FOXN3: variants seen among roughly 807,000 people sequenced by gnomAD.
The protein encoded by FOXN3 is forkhead box protein N3.
FOXN3 carries 7 observed loss-of-function variants against 38.4 expected under a neutral mutation model. The observed-to-expected ratio is 0.18, with a 90% CI of 0.10 to 0.34. The LOEUF is 0.34. FOXN3 is among the 10% of genes least tolerant of loss of function. The pLI, the probability that FOXN3 is intolerant of heterozygous loss-of-function variation, is 1.00. For synonymous variants in FOXN3, 230 were observed against 242.2 expected (o/e 0.95, Z 0.47); for missense variants, 456 against 613.4 (o/e 0.74, Z 2.71).
At chr14:89,380,620 C>T (rs10484023) in intron 2 of FOXN3, among the ~76,000 whole-genome samples, 17,873 of 152,216 alleles carry the variant, frequency 0.12, 1,396 homozygotes, top group East Asian at 0.34. Flanking sequence ...CCTTATAAGT[C>T]GTATCAGCAA....
chr14:89,455,220 G>C (rs1237405979), intron 1 of FOXN3, among the ~76,000 whole-genome samples: 1 of 152,224 alleles, frequency 6.6e-6, no homozygotes, highest in Non-Finnish European at 1.5e-5. Context: ...TATGCCATCG[G>C]CATTTGTGGA....
chr14:89,549,130 A>AG (rs1440666992), intron 1 of FOXN3, among the ~76,000 whole-genome samples: 2 of 151,838 alleles, frequency 1.3e-5, no homozygotes, highest in Non-Finnish European at 2.9e-5. Flanking sequence ...AAAAAAAAAA[A>AG]AGAATTTTAT....
intron 1 of FOXN3, among the ~76,000 whole-genome samples, chr14:89,557,282 G>A (rs966016976): frequency 6.6e-6 from 1 of 152,166 alleles, no homozygotes; most frequent in African/African-American, 2.4e-5. Flanking sequence ...AGAAAGATAA[G>A]AAAAAGTCTT....
At chr14:89,168,644 C>T (rs910539446) in intron 5 of FOXN3, among the ~76,000 whole-genome samples, 5 of 152,104 alleles carry the variant, frequency 3.3e-5, no homozygotes, top group Admixed American at 6.6e-5. Flanking sequence ...GAAGAACCAA[C>T]GGAAACCTAA....
chr14:89,398,878 G>C (rs897412382), intron 2 of FOXN3, among the ~76,000 whole-genome samples: 4 of 152,196 alleles, frequency 2.6e-5, no homozygotes, highest in Non-Finnish European at 5.9e-5. Flanking sequence ...CCAGCTACTC[G>C]GGAGGCTAAG....
At chr14:89,501,659 C>T (rs1409971719) in intron 1 of FOXN3, among the ~76,000 whole-genome samples, 2 of 152,150 alleles carry the variant, frequency 1.3e-5, no homozygotes, top group Admixed American at 6.6e-5. Context: ...CTGCATAAAG[C>T]TCAGGGGTTC....
intron 1 of FOXN3, among the ~76,000 whole-genome samples, chr14:89,588,638 T>C (rs1414363144): frequency 1.3e-5 from 2 of 152,168 alleles, no homozygotes; most frequent in East Asian, 3.9e-4. Context: ...AACCAAATAC[T>C]GGAAAGGTGT....
chr14:89,534,056 C>G (rs371655608), intron 1 of FOXN3, among the ~76,000 whole-genome samples: 10 of 151,832 alleles, frequency 6.6e-5, no homozygotes, highest in African/African-American at 7.3e-5. Context: ...GTGCTTCCCC[C>G]CCGCCACCCA....
At chr14:89,252,845 T>C (rs187108257) in intron 4 of FOXN3, among the ~76,000 whole-genome samples, 30 of 152,164 alleles carry the variant, frequency 2.0e-4, no homozygotes, top group Middle Eastern at 3.4e-3. Flanking sequence ...CAGTGTGAAA[T>C]AGGATATAAA....
chr14:89,398,555 G>A (rs772906569), intron 2 of FOXN3, among the ~76,000 whole-genome samples: 1 of 152,168 alleles, frequency 6.6e-6, no homozygotes, highest in Non-Finnish European at 1.5e-5. Flanking sequence ...CCATGGAGAT[G>A]ACAAGAAAAC....
At chr14:89,287,581 T>C (rs920454576) in intron 3 of FOXN3, among the ~76,000 whole-genome samples, 2 of 150,904 alleles carry the variant, frequency 1.3e-5, no homozygotes, top group African/African-American at 2.4e-5. Context: ...CTCTCCCAAC[T>C]TGGCCCGTTT....
In FOXN3 at chr14:89,478,305, A is replaced by G. The variant is rs201736709; in HGVS notation, c.-14-65815T>C. 1.1e-4 allele frequency among the ~76,000 whole-genome samples: 16 copies of G among 152,306 alleles called. No homozygotes were observed. The East Asian group carries it at 3.1e-3, about 29-fold the overall frequency. On this transcript the variant is annotated intron_variant, in intron 1 of 6. Transcript: ENST00000345097. ...TGCTTCCTGTACAGCCTGCAGAACC[A>G]TGAACCAATTCAATCTCTTTTCTTA...
At chr14:89,566,168 C>G (rs1895346008) in intron 1 of FOXN3, among the ~76,000 whole-genome samples, 1 of 152,166 alleles carries the variant, frequency 6.6e-6, no homozygotes, top group African/African-American at 2.4e-5. Context: ...CTGTAAAAAC[C>G]TCACCCATAC....
chr14:89,505,833 C>G (rs963393528), intron 1 of FOXN3, among the ~76,000 whole-genome samples: 1 of 151,294 alleles, frequency 6.6e-6, no homozygotes, highest in Admixed American at 6.6e-5. Flanking sequence ...AAGTGAGGAG[C>G]GTCTCTGCCC....
At chr14:89,504,182 G>A (rs957410036) in intron 1 of FOXN3, among the ~76,000 whole-genome samples, 1 of 152,206 alleles carries the variant, frequency 6.6e-6, no homozygotes. Context: ...GTAGTCATGT[G>A]CATTGCTAAT....
At position 89,554,782 on chromosome 14, in the gene FOXN3, C is replaced by CTTTT. The variant is rs34530866; in HGVS notation, c.-15+64242_-15+64245dup. ...ATAATCTATGTAAATACTAGCATTTCTTTTTTTTTTTTTTTTTTTTTTTTG... is the reference window on the plus strand; with the variant it reads ...ATAATCTATGTAAATACTAGCATTTCTTTTTTTTTTTTTTTTTTTTTTTTTTTTG... On this transcript the variant is annotated intron_variant, in intron 1 of 6. Transcript: ENST00000345097. Among the ~76,000 whole-genome samples, 124 of 68,464 alleles carry CTTTT rather than the reference C, an allele frequency of 1.8e-3. 1 individual carries two copies. Among genetic ancestry groups the CTTTT allele is most frequent in the East Asian group, 2.5e-3 (5 of 2,032 alleles). 44.9% of individuals were successfully genotyped at this position (68,464 alleles called of 152,430 possible).
chr14:89,236,440 G>A (rs1295938193), intron 4 of FOXN3, among the ~76,000 whole-genome samples: 2 of 152,128 alleles, frequency 1.3e-5, no homozygotes, highest in Non-Finnish European at 2.9e-5. Context: ...GGGTGAACCC[G>A]GGAGGCGGAG....
chr14:89,270,006 T>C lies in FOXN3; in HGVS notation c.745+10944A>G, dbSNP rs1012008128. On this transcript the variant is annotated intron_variant, in intron 4 of 5. Coordinates refer to ENST00000557258, the MANE Select transcript of FOXN3 (RefSeq NM_005197.4). ...TGGAAAACCCTCCATGTCACAGTGA[T>C]TGATTCGCTGTGCTAAGGCAGAACG... Among the ~76,000 whole-genome samples the C allele has an allele frequency of 2.0e-5, 3 of 152,206 alleles. No individual in the cohort carries two copies. In the East Asian group the frequency reaches 5.8e-4, roughly 29 times the overall value.
At position 89,363,947 on chromosome 14, in the gene FOXN3, A is replaced by AATATATATAT. The variant is rs67802765; in HGVS notation, c.544-13149_544-13140dup. ...TAACTGAGCAAGACCCTGTCTGTAA[A>AATATATATAT]ATATATATATATATATATATATATA... On this transcript the variant is annotated intron_variant, in intron 2 of 5. Transcript: ENST00000557258. Among the ~76,000 whole-genome samples, 57 of 111,342 alleles carry AATATATATAT rather than the reference A, an allele frequency of 5.1e-4. 1 individual carries two copies. The highest frequency in any genetic ancestry group is 2.1e-3 in the African/African-American group (40 of 19,380). The allele number at this position is 111,342 out of a possible 152,430, so 73.0% of individuals were successfully genotyped here. A position where few individuals can be genotyped will look rare whatever the true frequency, so the allele number is the denominator to read the frequency against.
Sources: gnomAD v4.1 joint callset for allele counts (sites outside exome capture counted in the v4.1 genomes callset) on GRCh38, gnomAD v4.1.1 for gene constraint, MANE v1.5 for transcripts, NCBI Gene and HGNC (gene_info 2026-07-23, HGNC 2026-07-21) for gene names.